The following ATP5F1A variants were observed in gnomAD, a reference collection of about 807,000 sequenced individuals.
ATP5F1A encodes the protein ATP synthase F1 subunit alpha.
In ATP5F1A, 24 loss-of-function variants were observed where a neutral mutation model predicts 57.4. The observed-to-expected ratio is 0.42, with a 90% CI of 0.30 to 0.59. The LOEUF is 0.59. ATP5F1A is among the 20% of genes least tolerant of loss of function. ATP5F1A has a pLI of 0.19. For synonymous variants in ATP5F1A, 251 were observed against 255.5 expected, an observed-to-expected ratio of 0.98 and a Z score of 0.17; for missense variants, 494 against 707.9, an observed-to-expected ratio of 0.70 and a Z score of 3.43.
At chr18:46,086,855 T>C (rs1020738908) in intron 8 of ATP5F1A, 153 bp downstream of exon 8, 8 of 807,140 alleles carry the variant, frequency 9.9e-6, no homozygotes, top group Non-Finnish European at 1.4e-5. Flanking sequence ...GGTTTCACTA[T>C]GCCATTCTCC....
chr18:46,089,095 C>T (rs1180161455), intron 5 of ATP5F1A, among the ~76,000 whole-genome samples: 1 of 151,996 alleles, frequency 6.6e-6, no homozygotes, highest in African/African-American at 2.4e-5. Context: ...ACATCCCCCA[C>T]ACCGAGATAG....
At position 46,081,158 on chromosome 18, in the gene ATP5F1A, A is replaced by C. The variant is rs1303673017; in HGVS notation, c.*3124T>G. On this transcript the variant is annotated 3_prime_UTR_variant, in exon 12 of 12. Coordinates refer to ENST00000398752, the MANE Select transcript of ATP5F1A (RefSeq NM_004046.6). ...AAAAAAAAAAAAAAAAAAAAATCTC[A>C]TCAGACCAGACCAGTAGTTAACATT... is the stretch of plus-strand genomic sequence containing the variant. 6.7e-6 allele frequency: 1 copy of C among 148,992 alleles called. No homozygotes were observed. Among genetic ancestry groups the C allele is most frequent in the Admixed American group, 6.7e-5 (1 of 14,836 alleles). The allele number at this position is 148,992 out of a possible 1,614,324, so 9.2% of individuals were successfully genotyped here.
chr18:46,087,887 C>CA (rs372348051), intron 6 of ATP5F1A: 2 of 542,390 alleles, frequency 3.7e-6, no homozygotes, highest in Admixed American at 3.9e-5. Flanking sequence ...TCTCAAACAA[C>CA]AAAAAAAGAG....
chr18:46,101,385 C>CA (rs746743047), upstream of ATP5F1A, among the ~76,000 whole-genome samples: 21 of 151,470 alleles, frequency 1.4e-4, no homozygotes, highest in East Asian at 2.2e-3. Context: ...GCCAACATGG[C>CA]AAAACCCCGT....
intron 3 of ATP5F1A, among the ~76,000 whole-genome samples, chr18:46,090,948 C>T (rs771066231): frequency 2.6e-4 from 39 of 152,184 alleles, no homozygotes; most frequent in Non-Finnish European, 4.4e-4. Context: ...TAATCTGTTT[C>T]GACCTCACCT....
upstream of ATP5F1A, among the ~76,000 whole-genome samples, chr18:46,100,973 T>G (rs1911258695): frequency 6.6e-6 from 1 of 152,096 alleles, no homozygotes; most frequent in African/African-American, 2.4e-5. Context: ...CTTGGGAGGC[T>G]GAGGCAGGAG....
rs1909804853 is a variant in ATP5F1A at position 46,082,329 on chromosome 18, G to A, written c.*1953C>T. Reference sequence around the variant, plus strand: ...GGCGCAAACCCAGGGGGCAGAGCTTGCAGTGAGCCGACATCGCACCACTGC... The same window carrying A: ...GGCGCAAACCCAGGGGGCAGAGCTTACAGTGAGCCGACATCGCACCACTGC... On this transcript the variant is annotated 3_prime_UTR_variant, in exon 12 of 12. Transcript: ENST00000398752. 6.7e-6 allele frequency: 1 copy of A among 148,700 alleles called. No homozygotes were observed. The highest frequency in any genetic ancestry group is 2.5e-5 in the African/African-American group (1 of 40,184). The allele number at this position is 148,700 out of a possible 1,614,324, so 9.2% of individuals were successfully genotyped here. A position where few individuals can be genotyped will look rare whatever the true frequency, so the allele number is the denominator to read the frequency against.
chr18:46,086,523 C>T (rs1395953668), intron 8 of ATP5F1A, 29 bp from the exon 9 acceptor site: 1 of 1,587,728 alleles, frequency 6.3e-7, no homozygotes, highest in East Asian at 2.2e-5. Flanking sequence ...CGCACGCTAG[C>T]AAGCTTAAAG....
At chr18:46,089,384 G>A (rs1910376042) in intron 5 of ATP5F1A, 182 bp downstream of exon 5, 1 of 694,826 alleles carries the variant, frequency 1.4e-6, no homozygotes, top group Non-Finnish European at 2.3e-6. Context: ...CGTCCCACCT[G>A]ATGAGAAATA....
chr18:46,084,793 T>A, intron 10 of ATP5F1A, 139 bp from the exon 11 acceptor site: 1 of 876,890 alleles, frequency 1.1e-6, no homozygotes, highest in Non-Finnish European at 1.7e-6. Flanking sequence ...ATCAATGACC[T>A]AGAACTCCAC....
At chr18:46,100,152 G>A (rs1361564571), upstream of ATP5F1A, among the ~76,000 whole-genome samples, 5 of 150,996 alleles carry the variant, frequency 3.3e-5, no homozygotes, top group African/African-American at 4.9e-5. Flanking sequence ...TGGGGAGGCT[G>A]AGGCAGGAGA....
intron 2 of ATP5F1A, chr18:46,093,245 AG>A (rs1910692115): frequency 1.3e-5 from 2 of 152,138 alleles, no homozygotes; most frequent in Non-Finnish European, 2.9e-5. Context: ...TCTTCATCTT[AG>A]CATACAGGGG....
intron 1 of ATP5F1A, among the ~76,000 whole-genome samples, chr18:46,096,982 C>CAAAAAAAAAAAAAAAAAAAAAAAAAA (rs71160709): frequency 1.3e-5 from 1 of 75,190 alleles, no homozygotes; most frequent in Non-Finnish European, 2.4e-5. Flanking sequence ...GACACCATCT[C>CAAAAAAAAAAAAAAAAAAAAAAAAAA]AAAAAAAAAA....
upstream of ATP5F1A, chr18:46,098,351 C>T: frequency 7.3e-7 from 1 of 1,371,096 alleles, no homozygotes. Flanking sequence ...GAAGTACTGC[C>T]CCTCGCGTTC....
intron 1 of ATP5F1A, among the ~76,000 whole-genome samples, chr18:46,096,999 A>C (rs906421705): frequency 4.6e-5 from 7 of 151,518 alleles, no homozygotes; most frequent in South Asian, 2.1e-4. Flanking sequence ...AAAAAAAAAA[A>C]AAAAAAACAA....
chr18:46,088,839 T>C (rs550043794), intron 5 of ATP5F1A: 1 of 152,200 alleles, frequency 6.6e-6, no homozygotes, highest in South Asian at 2.1e-4. Flanking sequence ...AATGTCTTGG[T>C]GTAAAACCCA....
chr18:46,089,875 T>C lies in ATP5F1A; in HGVS notation c.431A>G (p.Glu144Gly). 1.2e-6 allele frequency: 2 copies of C among 1,613,838 alleles called. No individual in the cohort carries two copies. The highest frequency in any genetic ancestry group is 1.7e-6 in the Non-Finnish European group (2 of 1,179,934). Residue 144 changes from glutamate to glycine, a missense_variant, in exon 4 of 12, where the codon GAG becomes GGG. By Grantham distance (98) the Glu-to-Gly change is moderately conservative. This residue lies in a region of ATP5F1A where 191 missense variants were observed against 267.7 expected (regional missense o/e 0.71). Coordinates refer to ENST00000398752, the MANE Select transcript of ATP5F1A (RefSeq NM_004046.6). ...ATCAACTACACGACCCAACAGCTCC[T>C]CACCAACTGGAACGTCCACAATGGC... The part of the protein sequence containing the change: ...TGAIVDVPVG[E>G]ELLGRVVDAL...
At chr18:46,102,929 G>C (rs1240515405), upstream of ATP5F1A, among the ~76,000 whole-genome samples, 1 of 152,110 alleles carries the variant, frequency 6.6e-6, no homozygotes, top group East Asian at 1.9e-4. Context: ...TTGGACGAAA[G>C]AGCAAGACCC....
chr18:46,086,944 T>C (rs1910144439), intron 8 of ATP5F1A, 64 bp downstream of exon 8: 2 of 1,523,572 alleles, frequency 1.3e-6, no homozygotes, highest in African/African-American at 1.4e-5. Flanking sequence ...ACCATTAGTC[T>C]CAACCAATGC....
Sources: gnomAD v4.1 joint callset for allele counts (sites outside exome capture counted in the v4.1 genomes callset) on GRCh38, gnomAD v4.1.1 for gene constraint, gnomAD v4.1.1 regional missense constraint, MANE v1.5 for transcripts, NCBI Gene and HGNC (gene_info 2026-07-23, HGNC 2026-07-21) for gene names.